CSH1: variants seen among roughly 807,000 people sequenced by gnomAD.
The protein encoded by CSH1 is Chorionic somatomammotropin hormone 2.
CSH1 carries 17 observed loss-of-function variants against 19.4 expected under a neutral mutation model. That is an observed-to-expected ratio of 0.88 (90% CI 0.60 to 1.31). The LOEUF is 1.31. Among genes scored for constraint, CSH1 ranks in the 40% most tolerant of loss-of-function variants. The pLI is 0.00. For synonymous variants in CSH1, 72 were observed against 104.6 expected (o/e 0.69, Z 1.90); for missense variants, 190 against 243.1 (o/e 0.78, Z 1.45).
At position 63,895,065 on chromosome 17, in the gene CSH1, C is replaced by A. The variant is rs368217752; in HGVS notation, c.611G>T (p.Arg204Leu). ...KDMDKVETFL[R>L]MVQCRSVEGS... ...CTCCACAGAGCGGCACTGCACCATG[C>A]GCAGGAATGTCTCGACCTTGTCCAT... The change falls in exon 5 of 5, where the codon CGC (arginine) becomes CTC (leucine). Residue 204 changes from arginine (R) to leucine (L), a missense_variant. Arg to Leu is a moderately radical substitution (Grantham distance 102, BLOSUM62 -2). Transcript: ENST00000316193. 4.4e-5 allele frequency: 71 copies of A among 1,612,862 alleles called. 1 individual carries two copies. The highest frequency in any genetic ancestry group is 5.8e-5 in the Non-Finnish European group (69 of 1,179,662).
At chr17:63,896,476 C>T (rs1197938896) in intron 1 of CSH1, 26 bp downstream of exon 1, 3 of 1,612,722 alleles carry the variant, frequency 1.9e-6, no homozygotes, top group African/African-American at 1.3e-5. Context: ...ACACGTTGTG[C>T]CCAAAGGGAT....
intron 1 of CSH1, 41 bp from the exon 2 acceptor site, chr17:63,896,276 A>C: frequency 6.4e-7 from 1 of 1,568,550 alleles, no homozygotes; most frequent in Non-Finnish European, 8.6e-7. Context: ...GCCGGAGAGG[A>C]AGAGGCCAGC....
chr17:63,895,671 C>T lies in CSH1; in HGVS notation c.292-34G>A, dbSNP rs556530261. On this transcript the variant is annotated intron_variant, in intron 3 of 4. Coordinates refer to ENST00000316193, the MANE Select transcript of CSH1 (RefSeq NM_001317.6). ...GAAGGACCGGCAGTGGCTGTGCTGC[C>T]CGGGAGCCCTGACCACAGGTCTCCC... is the stretch of plus-strand genomic sequence containing the variant. 345 of 1,450,744 alleles carry T rather than the reference C, an allele frequency of 2.4e-4. 14 individuals carry two copies. The African/African-American group carries it at 5.5e-3, about 23-fold the overall frequency. The allele number at this position is 1,450,744 out of a possible 1,614,324, so 89.9% of individuals were successfully genotyped here. A position where few individuals can be genotyped will look rare whatever the true frequency, so the allele number is the denominator to read the frequency against.
Position 63,896,080 on chromosome 17 carries a change from C to A in CSH1, c.166G>T (p.Glu56Ter). 1.9e-6 allele frequency: 2 copies of A among 1,049,870 alleles called. No homozygotes were observed. Among genetic ancestry groups the A allele is most frequent in the South Asian group, 3.2e-5 (2 of 63,026 alleles). The allele number at this position is 1,049,870 out of a possible 1,614,324, so 65.0% of individuals were successfully genotyped here. Residue 56 changes from glutamate to a stop codon, truncating the protein, a stop_gained, in exon 2 of 5, where the codon GAG (glutamate) becomes TAG (stop). Coordinates refer to ENST00000316193, the MANE Select transcript of CSH1 (RefSeq NM_001317.6). LOFTEE classifies it high-confidence loss of function. ...AHQLAIDTYQEFEETYIPKDQ... is the reference protein window; with the variant it reads ...AHQLAIDTYQ ...CCCATTCCCCAAGAACTTACAAACT[C>A]CTGGTAGGTGTCAATGGCCAGCTGG...
Position 63,896,496 on chromosome 17 carries a change from G to T in CSH1, c.10+6C>A, listed in dbSNP as rs775120507. 2.5e-6 allele frequency: 4 copies of T among 1,613,066 alleles called. No individual in the cohort carries two copies. Among genetic ancestry groups the T allele is most frequent in the Middle Eastern group, 3.3e-4 (2 of 5,992 alleles). ...TTGTGCCCAAAGGGATTTTAGGGGC[G>T]CTTACCTGGAGCCATTGCCACTAGG... On this transcript the variant is annotated splice_donor_region_variant and intron_variant, in intron 1 of 4. Transcript: ENST00000316193.
rs1268681042 is a variant in CSH1 at position 63,895,149 on chromosome 17, G to A, written c.527C>T (p.Ser176Leu). The change falls in exon 5 of 5, where the codon TCG (serine) becomes TTG (leucine). Residue 176 changes from serine (S) to leucine (L), a missense_variant. Ser to Leu is a moderately radical substitution (Grantham distance 145). Transcript: ENST00000316193. Reference sequence around the variant, plus strand: ...CTTGAGCAGTGCGTCATGGTTGTGCGAGTTTGTGTCAAACTTGCTGTAGGT... The same window carrying A: ...CTTGAGCAGTGCGTCATGGTTGTGCAAGTTTGTGTCAAACTTGCTGTAGGT... Reference protein sequence around the residue: ...KQTYSKFDTNSHNHDALLKNY... With the variant: ...KQTYSKFDTNLHNHDALLKNY... 1.9e-6 allele frequency: 3 copies of A among 1,612,694 alleles called. No homozygotes were observed. Among genetic ancestry groups the A allele is most frequent in the Non-Finnish European group, 2.5e-6 (3 of 1,179,576 alleles).
At chr17:63,895,952 T>G in intron 2 of CSH1, 102 bp from the exon 3 acceptor site, 1 of 518,726 alleles carries the variant, frequency 1.9e-6, no homozygotes, top group South Asian at 2.1e-5. Flanking sequence ...TATGCTCATC[T>G]GCCTGCATTT....
chr17:63,895,286 T>C, intron 4 of CSH1, 67 bp from the exon 5 acceptor site: 2 of 1,612,772 alleles, frequency 1.2e-6, no homozygotes, highest in Admixed American at 1.7e-5. Flanking sequence ...CTCTCATTTA[T>C]CCATTTTCCT....
Position 63,896,526 on chromosome 17 carries a change from C to G in CSH1, c.-15G>C. 6.2e-7 allele frequency: 1 copy of G among 1,613,504 alleles called. No individual in the cohort carries two copies. The highest frequency in any genetic ancestry group is 8.5e-7 in the Non-Finnish European group (1 of 1,179,538). ...CCTGGAGCCATTGCCACTAGGTGAG[C>G]TGTCCACAGGACCCTGAGTGGTTCG... On this transcript the variant is annotated 5_prime_UTR_variant, in exon 1 of 5. Coordinates refer to ENST00000316193, the MANE Select transcript of CSH1 (RefSeq NM_001317.6).
intron 2 of CSH1, 59 bp downstream of exon 2, chr17:63,896,016 T>G (rs1906113700): frequency 4.2e-6 from 3 of 716,986 alleles, no homozygotes; most frequent in Non-Finnish European, 6.0e-6. Flanking sequence ...ACTTCCCCAG[T>G]GGGGGAAAGT....
Position 63,894,994 on chromosome 17 carries a change from G to C in CSH1, c.*28C>G, listed in dbSNP as rs368766186. ...CTTCAGGGCCAGGAGAGGCACTGGGGAGGGGTCACAGGATGCTACTCGGGC... is the reference window on the plus strand; with the variant it reads ...CTTCAGGGCCAGGAGAGGCACTGGGCAGGGGTCACAGGATGCTACTCGGGC... On this transcript the variant is annotated 3_prime_UTR_variant, in exon 5 of 5. Coordinates refer to ENST00000316193, the MANE Select transcript of CSH1 (RefSeq NM_001317.6). The C allele has an allele frequency of 6.2e-7, 1 of 1,612,848 alleles. No individual in the cohort carries two copies. Among genetic ancestry groups the C allele is most frequent in the Non-Finnish European group, 8.5e-7 (1 of 1,179,656 alleles).
Position 63,895,729 on chromosome 17 carries a change from A to G in CSH1, c.291+2T>C. ...CGCCTAGGGGAGACGGCATCCACTC[A>G]CGGATTTCTGTTGCGTTTCCTCCAT... is the stretch of plus-strand genomic sequence containing the variant. On this transcript the variant is annotated splice_donor_variant, in intron 3 of 4. Transcript: ENST00000316193. LOFTEE classifies it high-confidence loss of function. 1 of 1,042,440 alleles carries G rather than the reference A, an allele frequency of 9.6e-7. No individual in the cohort carries two copies. The highest frequency in any genetic ancestry group is 1.3e-6 in the Non-Finnish European group (1 of 768,394). The allele number at this position is 1,042,440 out of a possible 1,614,324, so 64.6% of individuals were successfully genotyped here. A position where few individuals can be genotyped will look rare whatever the true frequency, so the allele number is the denominator to read the frequency against.
Position 63,895,357 on chromosome 17 carries a change from G to C in CSH1, c.456+116C>G, listed in dbSNP as rs1377042292. On this transcript the variant is annotated intron_variant, in intron 4 of 4. Transcript: ENST00000316193. ...ATTCACCAGGCGAAATGAAGAATAA[G>C]GTGAGTTCTCTTGGGTCAGCGCCTT... The C allele has an allele frequency of 4.3e-6, 7 of 1,612,842 alleles. 1 individual carries two copies. The highest frequency in any genetic ancestry group is 5.9e-6 in the Non-Finnish European group (7 of 1,179,612).
In CSH1 at chr17:63,895,110, A is replaced by G. The variant is rs747491200; in HGVS notation, c.566T>C (p.Leu189Pro). ...GTCCATGTCCTTCCTGAAGCAGTAG[A>G]GCAGCCCGTAGTTCTTGAGCAGTGC... Reference protein sequence around the residue: ...HDALLKNYGLLYCFRKDMDKV... With the variant: ...HDALLKNYGLPYCFRKDMDKV... The change falls in exon 5 of 5, where the codon CTC becomes CCC. Residue 189 changes from leucine (L) to proline (P), a missense_variant. Leu to Pro is a moderately conservative substitution (Grantham distance 98). Around this residue, in one of 3 missense-constraint regions of CSH1, gnomAD observed 175 missense variants for 187.2 expected, o/e 0.93. Coordinates refer to ENST00000316193, the MANE Select transcript of CSH1 (RefSeq NM_001317.6). 3.1e-6 allele frequency: 5 copies of G among 1,612,658 alleles called. No homozygotes were observed. The highest frequency in any genetic ancestry group is 2.2e-5 in the South Asian group (2 of 91,070).
In CSH1 at chr17:63,895,011, T is replaced by C. The variant is rs3210093; in HGVS notation, c.*11A>G. On this transcript the variant is annotated 3_prime_UTR_variant, in exon 5 of 5. Coordinates refer to ENST00000316193, the MANE Select transcript of CSH1 (RefSeq NM_001317.6). ...GCACTGGGGAGGGGTCACAGGATGC[T>C]ACTCGGGCACCTAGAAGCCACAGCT... 275 of 1,612,826 alleles carry C rather than the reference T, an allele frequency of 1.7e-4. 7 individuals are homozygous for C. The highest frequency in any genetic ancestry group is 6.6e-4 in the African/African-American group (49 of 74,356).
rs1906089820 is a variant in CSH1, at chr17:63,895,590, C to T, written c.339G>A (p.Leu113=). 3 of 1,588,354 alleles carry T rather than the reference C, an allele frequency of 1.9e-6. No homozygotes were observed. The East Asian group carries it at 6.8e-5, about 36-fold the overall frequency. ...TACTCCTGAGGAACCGCACGGGCTC[C>T]AGCCACGACTCGATGAGCAGCAGGG... The part of the protein sequence containing the change: ...RISLLLIESW[L]EPVRFLRSMF... The change falls in exon 4 of 5, where the codon CTG becomes CTA. Residue 113 remains leucine (L), a synonymous_variant. Transcript: ENST00000316193.
chr17:63,896,351 C>T (rs916633647), intron 1 of CSH1, 116 bp from the exon 2 acceptor site: 4 of 1,601,216 alleles, frequency 2.5e-6, no homozygotes, highest in African/African-American at 2.8e-5. Context: ...AGACCAGGAA[C>T]ATTCAGAGAT....
chr17:63,895,336 A>C, intron 4 of CSH1, 117 bp from the exon 5 acceptor site: 1 of 1,612,688 alleles, frequency 6.2e-7, no homozygotes. Flanking sequence ...TGGAGGATTC[A>C]CCAGGCGAAA....
chr17:63,896,377 C>A (rs1355816323), intron 1 of CSH1, 125 bp downstream of exon 1: 13 of 1,503,088 alleles, frequency 8.6e-6, no homozygotes, highest in Non-Finnish European at 1.2e-5. Flanking sequence ...AAATATCTGG[C>A]CTTAGATGGC....
Sources: allele counts gnomAD v4.1 joint callset, GRCh38; gene constraint gnomAD v4.1.1; regional missense constraint gnomAD v4.1.1; transcripts MANE v1.5; gene names NCBI Gene and HGNC (gene_info 2026-07-23, HGNC 2026-07-21).